POU6F2: variants seen among roughly 807,000 people sequenced by gnomAD.
POU6F2 encodes POU class 6 homeobox 2, also known as POU domain, class 6, transcription factor 2.
A neutral mutation model predicts 71.3 loss-of-function variants in POU6F2; 31 were observed. The ratio of observed to expected loss-of-function variants is 0.43; its 90% CI spans 0.33 to 0.59. The LOEUF (loss-of-function observed/expected upper bound fraction) is 0.59. Among genes scored for constraint, POU6F2 ranks in the 20% least tolerant of loss-of-function variants. The probability of loss-of-function intolerance (pLI) is 0.04; values close to 1 mark genes in which losing one functional copy is unlikely to be tolerated. For missense variants in POU6F2, 783 were observed against 856.8 expected, an observed-to-expected ratio of 0.91 and a Z score of 1.07; for synonymous variants, 347 against 355.7, an observed-to-expected ratio of 0.98 and a Z score of 0.27.
chr7:39,273,845 A>C (rs1784384629), intron 4 of POU6F2, among the ~76,000 whole-genome samples: 1 of 152,194 alleles, frequency 6.6e-6, no homozygotes, highest in Admixed American at 6.5e-5. Context: ...TGTTGGCAAC[A>C]AAATTATAGT....
chr7:39,188,165 A>G (rs1456520431), intron 2 of POU6F2, among the ~76,000 whole-genome samples: 1 of 152,256 alleles, frequency 6.6e-6, no homozygotes, highest in Admixed American at 6.5e-5. Context: ...CACAATTATG[A>G]TGCAGGTGCT....
chr7:39,217,291 G>A (rs1217100101), intron 4 of POU6F2, among the ~76,000 whole-genome samples: 3 of 151,798 alleles, frequency 2.0e-5, no homozygotes, highest in African/African-American at 7.3e-5. Flanking sequence ...GTCTTTAAAT[G>A]TGCTTGATTT....
At chr7:39,006,066 G>T (rs575970565) in intron 1 of POU6F2, among the ~76,000 whole-genome samples, 4 of 152,292 alleles carry the variant, frequency 2.6e-5, no homozygotes, top group African/African-American at 9.6e-5. Context: ...GTGGTATTGG[G>T]GGGACATGAT....
intron 4 of POU6F2, among the ~76,000 whole-genome samples, chr7:39,268,978 G>A (rs1784298404): frequency 6.6e-6 from 1 of 152,164 alleles, no homozygotes; most frequent in African/African-American, 2.4e-5. Flanking sequence ...CTGTTTATAA[G>A]TACAAAAAGT....
At chr7:39,165,118 C>T (rs1008808123) in intron 2 of POU6F2, among the ~76,000 whole-genome samples, 1 of 152,178 alleles carries the variant, frequency 6.6e-6, no homozygotes, top group Non-Finnish European at 1.5e-5. Flanking sequence ...TGACTGGCGG[C>T]GCACTCAGTG....
chr7:39,207,684 G>A (rs1420408953), intron 4 of POU6F2, 64 bp downstream of exon 4: 8 of 1,438,198 alleles, frequency 5.6e-6, no homozygotes, highest in South Asian at 5.1e-5. Flanking sequence ...TCTGAAGTGG[G>A]CAAAAAAAAA....
chr7:39,406,465 GC>G, intron 5 of POU6F2, 134 bp from the exon 6 acceptor site: 1 of 977,614 alleles, frequency 1.0e-6, no homozygotes, highest in Non-Finnish European at 1.5e-6. Flanking sequence ...TGTTCGCCAC[GC>G]CCCTCCGGTG....
intron 4 of POU6F2, among the ~76,000 whole-genome samples, chr7:39,277,806 C>G (rs1342317067): frequency 1.3e-5 from 2 of 152,070 alleles, no homozygotes; most frequent in African/African-American, 4.8e-5. Context: ...CACCTGTAAT[C>G]CCAGCACTTT....
chr7:39,461,488 A>G (rs547605750), intron 9 of POU6F2, among the ~76,000 whole-genome samples: 3 of 152,284 alleles, frequency 2.0e-5, no homozygotes, highest in South Asian at 2.1e-4. Context: ...CTTGGGCAAT[A>G]CCTTATGAGT....
At chr7:39,385,599 C>T (rs184262082) in intron 5 of POU6F2, among the ~76,000 whole-genome samples, 1 of 152,304 alleles carries the variant, frequency 6.6e-6, no homozygotes, top group East Asian at 1.9e-4. Flanking sequence ...ACCGATGTCC[C>T]AAGGTAAATG....
chr7:39,253,783 C>G (rs187302651), intron 4 of POU6F2, among the ~76,000 whole-genome samples: 1 of 152,150 alleles, frequency 6.6e-6, no homozygotes, highest in African/African-American at 2.4e-5. Context: ...TTTTCTTTCT[C>G]GGCTAAGCTT....
At chr7:39,264,061 C>A (rs1002340192) in intron 4 of POU6F2, among the ~76,000 whole-genome samples, 2 of 152,204 alleles carry the variant, frequency 1.3e-5, no homozygotes, top group East Asian at 3.8e-4. Flanking sequence ...GGTCTCAAGG[C>A]CCCTAAGACA....
At chr7:39,256,776 G>A (rs1406360601) in intron 4 of POU6F2, among the ~76,000 whole-genome samples, 8 of 152,104 alleles carry the variant, frequency 5.3e-5, no homozygotes, top group African/African-American at 1.9e-4. Context: ...TTTGAAGTTG[G>A]ACGAATAGAG....
chr7:39,391,347 C>G (rs540826112), intron 5 of POU6F2, among the ~76,000 whole-genome samples: 4 of 152,108 alleles, frequency 2.6e-5, no homozygotes, highest in African/African-American at 9.6e-5. Context: ...ACCTCCTAAA[C>G]TTGCTTATTT....
At chr7:39,130,738 GTCC>G (rs1482136887) in intron 2 of POU6F2, among the ~76,000 whole-genome samples, 1 of 152,128 alleles carries the variant, frequency 6.6e-6, no homozygotes, top group East Asian at 1.9e-4. Flanking sequence ...TCTGGGCCAT[GTCC>G]TCAAATGTGC....
chr7:39,300,925 C>T (rs12701726), intron 4 of POU6F2, among the ~76,000 whole-genome samples: 69,539 of 151,980 alleles, frequency 0.46, 16,748 homozygotes, highest in Admixed American at 0.59. Context: ...ACAACTTTAC[C>T]GGGAAACTCA....
At chr7:39,320,196 C>T (rs963028626) in intron 4 of POU6F2, among the ~76,000 whole-genome samples, 1 of 152,190 alleles carries the variant, frequency 6.6e-6, no homozygotes, top group Non-Finnish European at 1.5e-5. Context: ...TAAAAACCAA[C>T]AAGTGGCCAG....
At chr7:39,345,341 A>C (rs952632157) in intron 5 of POU6F2, among the ~76,000 whole-genome samples, 9 of 152,190 alleles carry the variant, frequency 5.9e-5, no homozygotes, top group African/African-American at 1.9e-4. Flanking sequence ...GTTAGCAAAA[A>C]TCCGCCAAAG....
At chr7:39,140,701 A>T (rs149946955) in intron 2 of POU6F2, among the ~76,000 whole-genome samples, 13 of 152,018 alleles carry the variant, frequency 8.6e-5, no homozygotes, top group Non-Finnish European at 1.6e-4. Context: ...ATCTGCAAAG[A>T]CCCTTTTTTG....
Sources: allele counts gnomAD v4.1 joint callset (sites outside exome capture counted in the v4.1 genomes callset), GRCh38; gene constraint gnomAD v4.1.1; transcripts MANE v1.5; gene names NCBI Gene and HGNC (gene_info 2026-07-23, HGNC 2026-07-21).